HLCS: variants seen among roughly 807,000 people sequenced by gnomAD.
HLCS encodes the protein holocarboxylase synthetase.
A neutral mutation model predicts 75.0 loss-of-function variants in HLCS; 53 were observed. The observed-to-expected ratio is 0.71, with a 90% CI of 0.57 to 0.89. The LOEUF is 0.89. Among genes scored for constraint, HLCS ranks in the 40% least tolerant of loss-of-function variants. HLCS has a pLI of 0.00. For missense variants in HLCS, 966 were observed against 1,074.0 expected (o/e 0.90, Z 1.41); for synonymous variants, 431 against 428.6 (o/e 1.01, Z -0.07).
At chr21:36,891,269 T>C (rs1284682654) in intron 6 of HLCS, among the ~76,000 whole-genome samples, 1 of 152,172 alleles carries the variant, frequency 6.6e-6, no homozygotes, top group Admixed American at 6.5e-5. Context: ...CTCAGCTGGG[T>C]CCTTGACACG....
At chr21:36,795,148 G>T (rs2060988902) in intron 6 of HLCS, among the ~76,000 whole-genome samples, 1 of 152,126 alleles carries the variant, frequency 6.6e-6, no homozygotes, top group African/African-American at 2.4e-5. Context: ...TTGTTCTCTG[G>T]CAAAGGCACC....
chr21:36,958,911 T>C (rs1330202328), intron 2 of HLCS, among the ~76,000 whole-genome samples: 3 of 152,244 alleles, frequency 2.0e-5, no homozygotes, highest in Non-Finnish European at 4.4e-5. Context: ...ATAATAATGA[T>C]AATACTTTGT....
rs1470255263 is a variant in HLCS, at chr21:36,966,600, G to A, written c.39C>T (p.Arg13=). 1 of 993,554 alleles carries A rather than the reference G, an allele frequency of 1.0e-6. No individual in the cohort carries two copies. 61.5% of individuals were successfully genotyped at this position (993,554 alleles called of 1,614,324 possible). ...CGAGCTCAGCCGGCCGGCGACCCCA[G>A]CGCGCCCACAGGTACAGGTAGCACA... ...ITLCYLYLWA[R]WGRRPAELVR... Residue 13 remains arginine (R), a synonymous_variant, in exon 1 of 11, where the codon CGC becomes CGT. Transcript: ENST00000674895.
At chr21:36,802,855 T>C (rs1440429127) in intron 6 of HLCS, among the ~76,000 whole-genome samples, 1 of 152,182 alleles carries the variant, frequency 6.6e-6, no homozygotes, top group African/African-American at 2.4e-5. Context: ...TCCATAGTCA[T>C]ATATGAGCCA....
At chr21:36,898,920 G>A (rs2065125753) in intron 5 of HLCS, among the ~76,000 whole-genome samples, 1 of 152,026 alleles carries the variant, frequency 6.6e-6, no homozygotes, top group Non-Finnish European at 1.5e-5. Context: ...AATTAGCCGG[G>A]CATGGTGGCG....
chr21:36,961,068 C>T (rs780102517), intron 2 of HLCS, among the ~76,000 whole-genome samples: 6 of 152,146 alleles, frequency 3.9e-5, no homozygotes, highest in Admixed American at 6.6e-5. Flanking sequence ...CATAACTTCA[C>T]GGAAGCGAGG....
chr21:36,815,151 T>C (rs1232093818), intron 6 of HLCS, among the ~76,000 whole-genome samples: 4 of 151,880 alleles, frequency 2.6e-5, no homozygotes, highest in African/African-American at 9.7e-5. Context: ...TTCAGGCTCC[T>C]GAGTAGCTGG....
intron 10 of HLCS, 22 bp from the exon 11 acceptor site, chr21:36,754,439 C>T (rs761980697): frequency 6.8e-6 from 11 of 1,606,074 alleles, no homozygotes; most frequent in African/African-American, 1.3e-5. Flanking sequence ...GAACAGCGTG[C>T]GGTCACTGGG....
intron 6 of HLCS, among the ~76,000 whole-genome samples, chr21:36,779,421 T>C (rs534247051): frequency 1.3e-5 from 2 of 152,222 alleles, no homozygotes; most frequent in South Asian, 2.1e-4. Context: ...CATAAGTTCA[T>C]CATAAACTCC....
intron 6 of HLCS, among the ~76,000 whole-genome samples, chr21:36,767,960 C>T (rs1331396235): frequency 6.6e-6 from 1 of 152,044 alleles, no homozygotes; most frequent in Non-Finnish European, 1.5e-5. Context: ...ATTACATCCC[C>T]ACCAAATGAG....
chr21:36,911,733 A>G (rs2065718978), intron 5 of HLCS, among the ~76,000 whole-genome samples: 1 of 116,652 alleles, frequency 8.6e-6, no homozygotes, highest in Admixed American at 1.0e-4. Context: ...TGGGCGATAG[A>G]GCGAGACTCC....
At chr21:36,935,291 G>A (rs1392382358) in intron 4 of HLCS, among the ~76,000 whole-genome samples, 2 of 152,204 alleles carry the variant, frequency 1.3e-5, no homozygotes, top group Non-Finnish European at 2.9e-5. Context: ...ACCTGCTTGG[G>A]CTGTACGTGT....
chr21:36,798,532 T>G (rs553873830), intron 6 of HLCS, among the ~76,000 whole-genome samples: 1 of 152,376 alleles, frequency 6.6e-6, no homozygotes, highest in African/African-American at 2.4e-5. Context: ...ATCAACTGAT[T>G]GACTGACTGA....
chr21:36,754,511 C>A (rs538633059), intron 10 of HLCS, 94 bp from the exon 11 acceptor site: 482 of 1,366,906 alleles, frequency 3.5e-4, no homozygotes, highest in South Asian at 7.7e-4. Flanking sequence ...GAGAGCTGGG[C>A]GTGCTGGGGA....
chr21:36,844,724 G>A (rs2062736556), intron 6 of HLCS, among the ~76,000 whole-genome samples: 1 of 150,062 alleles, frequency 6.7e-6, no homozygotes, highest in Non-Finnish European at 1.5e-5. Context: ...GCTGGATACT[G>A]TCCTGTGTAA....
At chr21:36,981,410 T>TC (rs1315296179) in intron 1 of HLCS, among the ~76,000 whole-genome samples, 2 of 145,836 alleles carry the variant, frequency 1.4e-5, no homozygotes, top group East Asian at 4.0e-4. Flanking sequence ...TTTTTTTTTT[T>TC]TTTTTTTTGA....
intron 6 of HLCS, among the ~76,000 whole-genome samples, chr21:36,843,162 A>G (rs1385936154): frequency 6.6e-6 from 1 of 152,252 alleles, no homozygotes; most frequent in Non-Finnish European, 1.5e-5. Flanking sequence ...GATACTAGAA[A>G]GAATGGTGGC....
chr21:36,825,687 C>T (rs1286099289), intron 6 of HLCS, among the ~76,000 whole-genome samples: 2 of 152,186 alleles, frequency 1.3e-5, no homozygotes, highest in African/African-American at 2.4e-5. Flanking sequence ...GGTGGCTGAT[C>T]CTGATGTCAC....
At chr21:36,859,126 G>T (rs551952599) in intron 6 of HLCS, among the ~76,000 whole-genome samples, 1 of 152,170 alleles carries the variant, frequency 6.6e-6, no homozygotes, top group Non-Finnish European at 1.5e-5. Context: ...GAGTTCAAGC[G>T]ATTCTCCTGC....
Sources: gnomAD v4.1 joint callset for allele counts (sites outside exome capture counted in the v4.1 genomes callset) on GRCh38, gnomAD v4.1.1 for gene constraint, MANE v1.5 for transcripts, NCBI Gene and HGNC (gene_info 2026-07-23, HGNC 2026-07-21) for gene names.